SNPH: variants seen among roughly 807,000 people sequenced by gnomAD.
SNPH encodes syntaphilin.
SNPH carries 10 observed loss-of-function variants against 36.8 expected under a neutral mutation model. That is an observed-to-expected ratio of 0.27 (90% CI 0.17 to 0.46). The LOEUF is 0.46. Among genes scored for constraint, SNPH ranks in the 20% least tolerant of loss-of-function variants. The pLI, the probability that SNPH is intolerant of heterozygous loss-of-function variation, is 1.00. For missense variants in SNPH, 622 were observed against 744.0 expected (o/e 0.84, Z 1.91); for synonymous variants, 281 against 312.2 (o/e 0.90, Z 1.05).
In SNPH at chr20:1,266,433, C is replaced by A; in HGVS notation, c.-600+36C>A. 1.8e-6 allele frequency: 1 copy of A among 548,856 alleles called. No individual in the cohort carries two copies. 34.0% of individuals were successfully genotyped at this position (548,856 alleles called of 1,614,324 possible). The stretch of plus-strand genomic sequence containing the variant: ...GGACCCCGGGGATCTCCGGGCCCAC[C>A]GCCCAGCTGCACCCGCCGCAGTCCA... On this transcript the variant is annotated intron_variant, in intron 1 of 6. Transcript: ENST00000381867. The surrounding 1 kb of genome is among the most constrained non-coding windows in gnomAD (Gnocchi z 6.0).
chr20:1,288,764 G>A (rs2088315204), intron 2 of SNPH, among the ~76,000 whole-genome samples: 1 of 151,828 alleles, frequency 6.6e-6, no homozygotes, highest in Non-Finnish European at 1.5e-5. Flanking sequence ...TGAGATTACA[G>A]GCACCCACCA....
At chr20:1,271,334 C>A (rs1332514081) in intron 2 of SNPH, among the ~76,000 whole-genome samples, 1 of 152,138 alleles carries the variant, frequency 6.6e-6, no homozygotes, top group African/African-American at 2.4e-5. Flanking sequence ...GAAACTCTTT[C>A]TTCTTCTTCT....
At chr20:1,302,965 G>C (rs2088521985) in intron 6 of SNPH, among the ~76,000 whole-genome samples, 1 of 152,246 alleles carries the variant, frequency 6.6e-6, no homozygotes, top group Non-Finnish European at 1.5e-5. Context: ...TTCATTTCTA[G>C]GGCCAGCCCC....
intron 6 of SNPH, among the ~76,000 whole-genome samples, chr20:1,301,134 G>A (rs572192623): frequency 1.3e-5 from 2 of 152,272 alleles, no homozygotes; most frequent in African/African-American, 2.4e-5. Context: ...TTCCTCCTGA[G>A]TGAGTCACCA....
chr20:1,272,776 A>C (rs2088087981), intron 2 of SNPH, among the ~76,000 whole-genome samples: 1 of 152,238 alleles, frequency 6.6e-6, no homozygotes, highest in Non-Finnish European at 1.5e-5. Flanking sequence ...ATTTAGCCTG[A>C]CTTTGGCAGC....
chr20:1,284,272 CT>C, intron 2 of SNPH, among the ~76,000 whole-genome samples: 1 of 152,298 alleles, frequency 6.6e-6, no homozygotes, highest in Non-Finnish European at 1.5e-5. Context: ...TCTTCCCCCC[CT>C]TTTGTTGACT....
Position 1,276,588 on chromosome 20 carries a change from A to G in SNPH, c.-493+9828A>G, listed in dbSNP as rs180849083. ...TGGCATGAGAATTAAACTAGATTAGAAATCTTCTATGTGTAAAGCCCCTAC... is the reference window on the plus strand; with the variant it reads ...TGGCATGAGAATTAAACTAGATTAGGAATCTTCTATGTGTAAAGCCCCTAC... On this transcript the variant is annotated intron_variant, in intron 2 of 6. Coordinates refer to ENST00000381867, the MANE Select transcript of SNPH (RefSeq NM_001318234.2). This position sits in a 1 kb window ranked among gnomAD's most constrained non-coding sequence, Gnocchi z 4.6. Among the ~76,000 whole-genome samples the G allele has an allele frequency of 2.3e-4, 35 of 152,322 alleles. No homozygotes were observed. Among genetic ancestry groups the G allele is most frequent in the African/African-American group, 8.2e-4 (34 of 41,576 alleles).
intron 2 of SNPH, among the ~76,000 whole-genome samples, chr20:1,277,507 G>A (rs117017570): frequency 0.06 from 8,929 of 149,936 alleles, 359 homozygotes; most frequent in South Asian, 0.099. Context: ...ATGTGTGTCC[G>A]TGTGTGTGCC....
Position 1,297,125 on chromosome 20 carries a change from C to T in SNPH, c.183-20C>T. On this transcript the variant is annotated intron_variant, in intron 4 of 6. Coordinates refer to ENST00000381867, the MANE Select transcript of SNPH (RefSeq NM_001318234.2). ...GCCCGCCAGCCAGAACGAGCACCTG[C>T]CTCTTCTTCCTGCCTCCAGGCGCAC... 6.2e-7 allele frequency: 1 copy of T among 1,604,648 alleles called. No individual in the cohort carries two copies. Among genetic ancestry groups the T allele is most frequent in the Non-Finnish European group, 8.5e-7 (1 of 1,174,910 alleles).
At chr20:1,292,656 T>A (rs2088376996) in intron 2 of SNPH, among the ~76,000 whole-genome samples, 1 of 152,212 alleles carries the variant, frequency 6.6e-6, no homozygotes, top group African/African-American at 2.4e-5. Flanking sequence ...TGGCTTCCTG[T>A]TGCCCACAGG....
chr20:1,270,397 C>A (rs1229931675), intron 2 of SNPH, among the ~76,000 whole-genome samples: 1 of 152,098 alleles, frequency 6.6e-6, no homozygotes, highest in Non-Finnish European at 1.5e-5. Flanking sequence ...ATGATCTTTC[C>A]TACTGAGTGG....
intron 6 of SNPH, among the ~76,000 whole-genome samples, chr20:1,301,300 T>C (rs1444764053): frequency 6.6e-6 from 1 of 151,980 alleles, no homozygotes; most frequent in Non-Finnish European, 1.5e-5. Flanking sequence ...AAGTGCTTAA[T>C]CCCAACCCTC....
At chr20:1,273,210 T>A (rs2088092749) in intron 2 of SNPH, among the ~76,000 whole-genome samples, 1 of 152,114 alleles carries the variant, frequency 6.6e-6, no homozygotes, top group Admixed American at 6.5e-5. Flanking sequence ...GAGGAAAAGT[T>A]GGGATCTGGT....
At chr20:1,278,200 C>T (rs1391132436) in intron 2 of SNPH, among the ~76,000 whole-genome samples, 1 of 146,144 alleles carries the variant, frequency 6.8e-6, no homozygotes, top group Non-Finnish European at 1.5e-5. Context: ...GTCTCTGTGT[C>T]AGTGTCTGTG....
At chr20:1,281,166 C>A (rs1355617503) in intron 2 of SNPH, among the ~76,000 whole-genome samples, 1 of 152,196 alleles carries the variant, frequency 6.6e-6, no homozygotes, top group African/African-American at 2.4e-5. Flanking sequence ...TCCCTACAGC[C>A]TATCTCTTCT....
At chr20:1,267,638 G>A (rs1002894474) in intron 2 of SNPH, among the ~76,000 whole-genome samples, 10 of 152,224 alleles carry the variant, frequency 6.6e-5, no homozygotes, top group Non-Finnish European at 7.3e-5. Context: ...ATTAAATGAT[G>A]TGTATAATTT....
chr20:1,288,540 C>T (rs922301899), intron 2 of SNPH, among the ~76,000 whole-genome samples: 21 of 152,116 alleles, frequency 1.4e-4, no homozygotes, highest in African/African-American at 4.6e-4. Flanking sequence ...AAGGGCTTCT[C>T]CTTTGCCTGC....
chr20:1,305,587 A>G lies in SNPH; in HGVS notation c.1150A>G (p.Thr384Ala). The change falls in exon 7 of 7, where the codon ACA (threonine) becomes GCA (alanine). Residue 384 changes from threonine to alanine, a missense_variant. By Grantham distance (58) the Thr-to-Ala change is moderately conservative. Transcript: ENST00000381867. The part of the protein sequence containing the change: ...EKVTQAQVCG[T>A]DPESGDRCPE... Reference sequence around the variant, plus strand: ...AGTGACCCAGGCCCAGGTCTGTGGGACAGACCCTGAGTCAGGGGACAGGTG... The same window carrying G: ...AGTGACCCAGGCCCAGGTCTGTGGGGCAGACCCTGAGTCAGGGGACAGGTG... The G allele has an allele frequency of 1.2e-6, 2 of 1,613,566 alleles. No homozygotes were observed. The highest frequency in any genetic ancestry group is 1.7e-6 in the Non-Finnish European group (2 of 1,180,024).
chr20:1,305,536 C>T lies in SNPH; in HGVS notation c.1099C>T (p.Pro367Ser), dbSNP rs773116736. ...CCAGACAGACTTCGTGCAGTACCAG[C>T]CTGACCTTGACACCATCCTGGAGAA... is the stretch of plus-strand genomic sequence containing the variant. ...AIQTDFVQYQ[P>S]DLDTILEKVT... is the part of the protein sequence containing the mutation. Residue 367 changes from proline (P) to serine (S), a missense_variant, in exon 7 of 7, where the codon CCT becomes TCT. By Grantham distance (74) the Pro-to-Ser change is moderately conservative (BLOSUM62 -1). Coordinates refer to ENST00000381867, the MANE Select transcript of SNPH (RefSeq NM_001318234.2). 24 of 1,613,312 alleles carry T rather than the reference C, an allele frequency of 1.5e-5. No individual in the cohort carries two copies. The East Asian group carries it at 4.9e-4, about 33-fold the overall frequency.
Sources: gnomAD v4.1 joint callset for allele counts (sites outside exome capture counted in the v4.1 genomes callset) on GRCh38, gnomAD v4.1.1 for gene constraint, Gnocchi (gnomAD v3.1) non-coding constraint, MANE v1.5 for transcripts, NCBI Gene and HGNC (gene_info 2026-07-23, HGNC 2026-07-21) for gene names.